KCNH1: variants seen among roughly 807,000 people sequenced by gnomAD.
KCNH1 encodes the protein voltage-gated delayed rectifier potassium channel KCNH1.
A neutral mutation model predicts 69.2 loss-of-function variants in KCNH1; 27 were observed. That is an observed-to-expected ratio of 0.39 (90% confidence interval 0.29 to 0.54). KCNH1 has a LOEUF of 0.54. Ranked by LOEUF, KCNH1 falls within the 20% of genes least tolerant of loss-of-function variation. KCNH1 has a pLI of 0.68. For missense variants in KCNH1, 798 were observed against 1,261.6 expected (o/e 0.63, Z 5.57); for synonymous variants, 456 against 487.7 (o/e 0.93, Z 0.86).
chr1:211,080,399 T>A (rs1352647778), intron 5 of KCNH1, among the ~76,000 whole-genome samples: 3 of 152,166 alleles, frequency 2.0e-5, no homozygotes, highest in Admixed American at 6.5e-5. Context: ...CTGCCCAAAG[T>A]AATTTATAGA....
intron 7 of KCNH1, among the ~76,000 whole-genome samples, chr1:210,835,801 G>T (rs1178570651): frequency 6.6e-6 from 1 of 152,042 alleles, no homozygotes; most frequent in South Asian, 2.1e-4. Context: ...GTTCCCAACT[G>T]GTTTCTGGCC....
At chr1:210,863,926 C>T (rs867735343) in intron 7 of KCNH1, among the ~76,000 whole-genome samples, 2 of 152,168 alleles carry the variant, frequency 1.3e-5, no homozygotes, top group Admixed American at 6.5e-5. Flanking sequence ...TTGGAGCTCC[C>T]GATCATACAA....
At chr1:210,757,183 G>C (rs1033108662) in intron 10 of KCNH1, among the ~76,000 whole-genome samples, 2 of 152,174 alleles carry the variant, frequency 1.3e-5, no homozygotes, top group Non-Finnish European at 2.9e-5. Flanking sequence ...AGCATGCCCT[G>C]TCTATCTCAT....
intron 10 of KCNH1, among the ~76,000 whole-genome samples, chr1:210,685,882 A>T (rs1681398540): frequency 6.6e-6 from 1 of 152,256 alleles, no homozygotes; most frequent in Admixed American, 6.5e-5. Flanking sequence ...GGAATCCATC[A>T]GCAAATCGCT....
At chr1:210,950,645 T>C (rs1156438405) in intron 6 of KCNH1, among the ~76,000 whole-genome samples, 2 of 152,032 alleles carry the variant, frequency 1.3e-5, no homozygotes, top group Non-Finnish European at 2.9e-5. Context: ...TGGTTCCAAG[T>C]CTTTGCTATC....
At chr1:210,693,237 C>T (rs914966205) in intron 10 of KCNH1, among the ~76,000 whole-genome samples, 2 of 152,176 alleles carry the variant, frequency 1.3e-5, no homozygotes, top group Non-Finnish European at 2.9e-5. Context: ...ATGAGAGAAG[C>T]CCCCCTCCCT....
chr1:211,127,306 T>C (rs1691792858), intron 1 of KCNH1, among the ~76,000 whole-genome samples: 1 of 151,890 alleles, frequency 6.6e-6, no homozygotes, highest in Non-Finnish European at 1.5e-5. Flanking sequence ...GTGAAACAAA[T>C]ATAAATCATT....
chr1:210,792,309 A>C (rs1350836870), intron 9 of KCNH1, among the ~76,000 whole-genome samples: 2 of 151,950 alleles, frequency 1.3e-5, no homozygotes, highest in African/African-American at 2.4e-5. Context: ...CCCCTTTCTA[A>C]AACTCTCTCT....
At chr1:210,953,368 T>C (rs573464493) in intron 6 of KCNH1, among the ~76,000 whole-genome samples, 1 of 152,298 alleles carries the variant, frequency 6.6e-6, no homozygotes, top group South Asian at 2.1e-4. Context: ...ACGTGGGCTG[T>C]TCTCACCATA....
intron 7 of KCNH1, among the ~76,000 whole-genome samples, chr1:210,908,158 T>C (rs933881209): frequency 1.3e-5 from 2 of 152,186 alleles, no homozygotes; most frequent in African/African-American, 4.8e-5. Context: ...ATCACTGGAG[T>C]GCTGGTTAAT....
At chr1:211,078,602 G>A (rs1045983602) in intron 5 of KCNH1, among the ~76,000 whole-genome samples, 3 of 152,084 alleles carry the variant, frequency 2.0e-5, no homozygotes, top group Non-Finnish European at 4.4e-5. Flanking sequence ...CAGAATCTCT[G>A]GGACACATTT....
chr1:210,836,559 A>T (rs1462332978), intron 7 of KCNH1, among the ~76,000 whole-genome samples: 1 of 152,164 alleles, frequency 6.6e-6, no homozygotes, highest in African/African-American at 2.4e-5. Flanking sequence ...TTTCCAAAAA[A>T]AGAGGTCTAG....
At chr1:211,068,795 C>T (rs1316669324) in intron 5 of KCNH1, among the ~76,000 whole-genome samples, 16 of 152,218 alleles carry the variant, frequency 1.1e-4, no homozygotes, top group Non-Finnish European at 5.9e-5. Context: ...CACAACTGGC[C>T]CGAGCAGACA....
At chr1:211,009,640 G>A (rs893888922) in intron 6 of KCNH1, among the ~76,000 whole-genome samples, 8 of 151,006 alleles carry the variant, frequency 5.3e-5, no homozygotes, top group East Asian at 1.9e-4. Context: ...ATGGAGTCGC[G>A]CTCTGTCACC....
At chr1:211,070,972 A>G (rs753686144) in intron 5 of KCNH1, among the ~76,000 whole-genome samples, 1 of 152,200 alleles carries the variant, frequency 6.6e-6, no homozygotes, top group Non-Finnish European at 1.5e-5. Flanking sequence ...CTAAAAATTT[A>G]CTAATAGCCT....
intron 7 of KCNH1, among the ~76,000 whole-genome samples, chr1:210,848,909 T>A (rs1040034462): frequency 2.6e-5 from 4 of 152,320 alleles, no homozygotes; most frequent in Non-Finnish European, 5.9e-5. Flanking sequence ...GGTAAAGAGT[T>A]AAGTGTCTTA....
At chr1:210,833,296 T>C (rs1331891243) in intron 7 of KCNH1, among the ~76,000 whole-genome samples, 1 of 152,134 alleles carries the variant, frequency 6.6e-6, no homozygotes, top group Non-Finnish European at 1.5e-5. Context: ...TTTGTGTCCC[T>C]TGAAAATTCA....
At position 210,682,716 on chromosome 1, in the gene KCNH1, G is replaced by A. The variant is rs181683394; in HGVS notation, c.*565C>T. Reference sequence around the variant, plus strand: ...GCTGCTTTTCTGGCCTTAACCATGAGACAGAAAGTTTCTGAGCTCTACCCT... The same window carrying A: ...GCTGCTTTTCTGGCCTTAACCATGAAACAGAAAGTTTCTGAGCTCTACCCT... On this transcript the variant is annotated 3_prime_UTR_variant, in exon 11 of 11. Coordinates refer to ENST00000271751, the MANE Select transcript of KCNH1 (RefSeq NM_172362.3). 1.5e-3 allele frequency: 228 copies of A among 153,376 alleles called. No homozygotes were observed. Among genetic ancestry groups the A allele is most frequent in the Middle Eastern group, 6.8e-3 (2 of 294 alleles). The allele number at this position is 153,376 out of a possible 1,614,324, so 9.5% of individuals were successfully genotyped here. A position where few individuals can be genotyped will look rare whatever the true frequency, so the allele number is the denominator to read the frequency against.
intron 10 of KCNH1, among the ~76,000 whole-genome samples, chr1:210,708,924 C>T (rs974364382): frequency 6.6e-6 from 1 of 152,098 alleles, no homozygotes; most frequent in African/African-American, 2.4e-5. Flanking sequence ...GGCTCAAGAC[C>T]AGGGAATCCT....
Sources: gnomAD v4.1 joint callset for allele counts (sites outside exome capture counted in the v4.1 genomes callset) on GRCh38, gnomAD v4.1.1 for gene constraint, MANE v1.5 for transcripts, NCBI Gene and HGNC (gene_info 2026-07-23, HGNC 2026-07-21) for gene names.